The following ARHGAP15 variants were observed in gnomAD, a reference collection of about 807,000 sequenced individuals.
ARHGAP15 encodes the protein rho GTPase-activating protein 15.
In ARHGAP15, 51 loss-of-function variants were observed where a neutral mutation model predicts 63.7. That is an observed-to-expected ratio of 0.80 (90% CI 0.64 to 1.01). ARHGAP15 has a LOEUF of 1.01. Ranked by LOEUF, ARHGAP15 falls within the 50% of genes least tolerant of loss-of-function variation. The pLI is 0.00. For synonymous variants in ARHGAP15, 191 were observed against 193.8 expected, an observed-to-expected ratio of 0.99 and a Z score of 0.12; for missense variants, 560 against 564.6, an observed-to-expected ratio of 0.99 and a Z score of 0.08.
intron 12 of ARHGAP15, among the ~76,000 whole-genome samples, chr2:143,666,801 CAA>C (rs1330530807): frequency 3.4e-5 from 5 of 148,728 alleles, no homozygotes; most frequent in Non-Finnish European, 5.9e-5. Context: ...TTTATGCAGC[CAA>C]AAAACACATG....
chr2:143,522,665 C>T (rs771482579), intron 10 of ARHGAP15, among the ~76,000 whole-genome samples: 3 of 152,054 alleles, frequency 2.0e-5, no homozygotes, highest in Non-Finnish European at 2.9e-5. Context: ...CTACACATAG[C>T]GTTACATACA....
chr2:143,647,425 C>T (rs1680936337), intron 12 of ARHGAP15, among the ~76,000 whole-genome samples: 1 of 151,094 alleles, frequency 6.6e-6, no homozygotes, highest in African/African-American at 2.4e-5. Flanking sequence ...TTTGAATCTG[C>T]TCACATTACA....
chr2:143,325,412 T>G (rs1684205700), intron 6 of ARHGAP15, among the ~76,000 whole-genome samples: 1 of 152,140 alleles, frequency 6.6e-6, no homozygotes, highest in African/African-American at 2.4e-5. Flanking sequence ...ACAATTGTTT[T>G]TATATCCTGT....
chr2:143,552,109 A>G (rs1383841227), intron 10 of ARHGAP15, among the ~76,000 whole-genome samples: 1 of 152,232 alleles, frequency 6.6e-6, no homozygotes, highest in Non-Finnish European at 1.5e-5. Context: ...TTCTTGTGGT[A>G]GCTCTGGCCT....
intron 10 of ARHGAP15, among the ~76,000 whole-genome samples, chr2:143,555,784 C>T (rs528198740): frequency 6.6e-6 from 1 of 151,984 alleles, no homozygotes; most frequent in Admixed American, 6.6e-5. Flanking sequence ...AGCATTATAT[C>T]TAGAATAGAA....
At position 143,556,487 on chromosome 2, in the gene ARHGAP15, T is replaced by C. The variant is rs763998611; in HGVS notation, c.1003+2T>C. On this transcript the variant is annotated splice_donor_variant, in intron 11 of 13. Coordinates refer to ENST00000295095, the MANE Select transcript of ARHGAP15 (RefSeq NM_018460.4). LOFTEE classifies it high-confidence loss of function. ...AGTTAAGATTTATTGTCAACCAAGG[T>C]AAGTGATTTCCACTTCAGAGATTTT... 6.2e-7 allele frequency: 1 copy of C among 1,610,196 alleles called. No homozygotes were observed. The highest frequency in any genetic ancestry group is 1.6e-4 in the Middle Eastern group (1 of 6,068).
At chr2:143,232,996 A>G (rs1315684108) in intron 5 of ARHGAP15, among the ~76,000 whole-genome samples, 1 of 152,172 alleles carries the variant, frequency 6.6e-6, no homozygotes, top group African/African-American at 2.4e-5. Context: ...CTTATCAACA[A>G]ATAAAGCTAG....
At chr2:143,765,293 G>A (rs1374808687) in intron 13 of ARHGAP15, among the ~76,000 whole-genome samples, 1 of 152,002 alleles carries the variant, frequency 6.6e-6, no homozygotes. Context: ...ATCTTAAACT[G>A]AGGTAGATGG....
At chr2:143,468,099 C>A (rs1470325359) in intron 8 of ARHGAP15, among the ~76,000 whole-genome samples, 1 of 151,996 alleles carries the variant, frequency 6.6e-6, no homozygotes, top group African/African-American at 2.4e-5. Context: ...TGTATTACTT[C>A]ATAGCATCAA....
chr2:143,712,532 G>A (rs1407705452), intron 13 of ARHGAP15, among the ~76,000 whole-genome samples: 1 of 152,156 alleles, frequency 6.6e-6, no homozygotes, highest in African/African-American at 2.4e-5. Context: ...GAACCCAGAA[G>A]AGAGTCAAGG....
At chr2:143,180,084 A>G (rs1691175530) in intron 2 of ARHGAP15, among the ~76,000 whole-genome samples, 1 of 152,184 alleles carries the variant, frequency 6.6e-6, no homozygotes, top group African/African-American at 2.4e-5. Context: ...AAATAAGTCC[A>G]CAGTGAAGTT....
intron 6 of ARHGAP15, among the ~76,000 whole-genome samples, chr2:143,380,307 T>C (rs1368046677): frequency 6.6e-6 from 1 of 152,158 alleles, no homozygotes; most frequent in Non-Finnish European, 1.5e-5. Flanking sequence ...AATGACTTAA[T>C]AACAGGAATA....
At chr2:143,691,518 C>A (rs1235216516) in intron 12 of ARHGAP15, among the ~76,000 whole-genome samples, 1 of 152,122 alleles carries the variant, frequency 6.6e-6, no homozygotes, top group Non-Finnish European at 1.5e-5. Flanking sequence ...TCAGTCCCAT[C>A]AAATATGTAA....
chr2:143,642,110 T>C (rs1393139863), intron 12 of ARHGAP15, among the ~76,000 whole-genome samples: 2 of 152,256 alleles, frequency 1.3e-5, no homozygotes, highest in East Asian at 3.9e-4. Flanking sequence ...ATAAGCCTAT[T>C]GTAAAATATG....
intron 6 of ARHGAP15, among the ~76,000 whole-genome samples, chr2:143,410,693 T>A (rs971804013): frequency 5.9e-5 from 9 of 152,074 alleles, no homozygotes. Context: ...ATGTAGTGTA[T>A]ATGTGTTGCT....
rs1178964917 is a variant in ARHGAP15 at position 143,202,218 on chromosome 2, A to G, written c.234+16A>G. ...GGAACAACTGGTGAGTGTTTAAGTC[A>G]TTATATTCTTCATCTACTGATACAA... On this transcript the variant is annotated intron_variant, in intron 3 of 13. Transcript: ENST00000295095. 2 of 1,593,398 alleles carry G rather than the reference A, an allele frequency of 1.3e-6. No individual in the cohort carries two copies. Among genetic ancestry groups the G allele is most frequent in the Admixed American group, 1.7e-5 (1 of 59,786 alleles).
chr2:143,437,599 C>T (rs1689669941), intron 8 of ARHGAP15, among the ~76,000 whole-genome samples: 1 of 152,186 alleles, frequency 6.6e-6, no homozygotes, highest in African/African-American at 2.4e-5. Context: ...AATGGTCTCA[C>T]TACTTACACA....
chr2:143,629,493 G>T lies in ARHGAP15; in HGVS notation c.1138+5226G>T, dbSNP rs10164528. Reference sequence around the variant, plus strand: ...GAAAAGCACAGCCAGGGAGTTTTATGATAGGTGATGCAATCTTGTGGCTAG... The same window carrying T: ...GAAAAGCACAGCCAGGGAGTTTTATTATAGGTGATGCAATCTTGTGGCTAG... On this transcript the variant is annotated intron_variant, in intron 12 of 13. Coordinates refer to ENST00000295095, the MANE Select transcript of ARHGAP15 (RefSeq NM_018460.4). Among the ~76,000 whole-genome samples, 1,210 of 152,262 alleles carry T rather than the reference G, an allele frequency of 7.9e-3. 6 individuals are homozygous for T. Among genetic ancestry groups the T allele is most frequent in the Admixed American group, 0.014 (221 of 15,270 alleles).
chr2:143,432,092 A>G (rs1054351804), intron 6 of ARHGAP15, among the ~76,000 whole-genome samples: 3 of 152,078 alleles, frequency 2.0e-5, no homozygotes, highest in African/African-American at 7.2e-5. Flanking sequence ...AAATTAAAAT[A>G]CCTACAATGT....
Sources: gnomAD v4.1 joint callset for allele counts (sites outside exome capture counted in the v4.1 genomes callset) on GRCh38, gnomAD v4.1.1 for gene constraint, MANE v1.5 for transcripts, NCBI Gene and HGNC (gene_info 2026-07-23, HGNC 2026-07-21) for gene names.